Variants in GRID2 observed in about 807,000 individuals in gnomAD.
GRID2 encodes the protein glutamate ionotropic receptor delta type subunit 2, also known as glutamate receptor ionotropic, delta-2.
A neutral mutation model predicts 114.8 loss-of-function variants in GRID2; 33 were observed. The ratio of observed to expected loss-of-function variants is 0.29; its 90% CI spans 0.22 to 0.38. The LOEUF is 0.38. GRID2 is among the 10% of genes least tolerant of loss of function. The pLI is 1.00. For missense variants in GRID2, 1,184 were observed against 1,257.7 expected (o/e 0.94, Z 0.89); for synonymous variants, 505 against 449.9 (o/e 1.12, Z -1.55).
chr4:93,786,867 T>C (rs1734603963), intron 1 of GRID2, among the ~76,000 whole-genome samples: 1 of 152,170 alleles, frequency 6.6e-6, no homozygotes, highest in African/African-American at 2.4e-5. Flanking sequence ...GACTTGGATT[T>C]AACAGAGAGT....
At chr4:92,417,268 A>G (rs1395634672) in intron 1 of GRID2, among the ~76,000 whole-genome samples, 3 of 152,188 alleles carry the variant, frequency 2.0e-5, no homozygotes, top group African/African-American at 7.2e-5. Context: ...AGGTATAAAT[A>G]TAAGTAACGG....
intron 1 of GRID2, among the ~76,000 whole-genome samples, chr4:92,520,546 G>T (rs1560685853): frequency 6.6e-6 from 1 of 151,912 alleles, no homozygotes; most frequent in African/African-American, 2.4e-5. Flanking sequence ...AGTGACCTAA[G>T]CCCTGCCTGG....
At chr4:92,943,886 G>A (rs951346247) in intron 2 of GRID2, among the ~76,000 whole-genome samples, 3 of 152,188 alleles carry the variant, frequency 2.0e-5, no homozygotes, top group Non-Finnish European at 4.4e-5. Flanking sequence ...GGAGGCTGCA[G>A]AGCAGAACAG....
At chr4:92,463,009 T>G (rs771177187) in intron 1 of GRID2, among the ~76,000 whole-genome samples, 4 of 151,996 alleles carry the variant, frequency 2.6e-5, no homozygotes, top group Admixed American at 6.6e-5. Context: ...TGTATAACAT[T>G]ATAAAGTAAA....
intron 2 of GRID2, among the ~76,000 whole-genome samples, chr4:92,844,874 A>G (rs1578290614): frequency 6.6e-6 from 1 of 152,208 alleles, no homozygotes; most frequent in East Asian, 1.9e-4. Context: ...TTTTTTAAAA[A>G]GTATCTTTTT....
Position 93,139,765 on chromosome 4 carries a change from T to C in GRID2, c.735+28812T>C, listed in dbSNP as rs575684777. Among the ~76,000 whole-genome samples, 471 of 142,648 alleles carry C rather than the reference T, an allele frequency of 3.3e-3. 6 individuals are homozygous for C. Among genetic ancestry groups the C allele is most frequent in the South Asian group, 0.03 (132 of 4,446 alleles). 93.6% of individuals were successfully genotyped at this position (142,648 alleles called of 152,430 possible). A position where few individuals can be genotyped will look rare whatever the true frequency, so the allele number is the denominator to read the frequency against. On this transcript the variant is annotated intron_variant, in intron 4 of 15. Coordinates refer to ENST00000282020, the MANE Select transcript of GRID2 (RefSeq NM_001510.4). ...ACACACACACACACACACACACACA[T>C]TCACACACAGACACACATAGCTGTA...
chr4:92,750,196 A>C (rs1737379586), intron 2 of GRID2, among the ~76,000 whole-genome samples: 1 of 152,012 alleles, frequency 6.6e-6, no homozygotes, highest in Non-Finnish European at 1.5e-5. Flanking sequence ...GCACCAACCA[A>C]CTATAGAATG....
intron 1 of GRID2, among the ~76,000 whole-genome samples, chr4:92,460,053 T>TATATATATATATACAC (rs1032538170): frequency 1.0e-4 from 10 of 99,770 alleles, no homozygotes; most frequent in South Asian, 4.0e-4. Flanking sequence ...TATATATATA[T>TATATATATATATACAC]ACACACACAA....
chr4:93,207,341 A>G, intron 4 of GRID2, 63 bp from the exon 5 acceptor site: 1 of 1,073,988 alleles, frequency 9.3e-7, no homozygotes, highest in South Asian at 1.2e-5. Context: ...AAGTATATTC[A>G]TTTAGTTGGG....
intron 2 of GRID2, among the ~76,000 whole-genome samples, chr4:92,682,682 G>GCACACACACACACA (rs57217377): frequency 9.7e-4 from 139 of 142,804 alleles, no homozygotes; most frequent in South Asian, 1.8e-3. Flanking sequence ...AAATCGCAGG[G>GCACACACACACACA]CACACACACA....
intron 2 of GRID2, among the ~76,000 whole-genome samples, chr4:92,895,105 G>T (rs182925860): frequency 6.6e-6 from 1 of 151,866 alleles, no homozygotes; most frequent in Admixed American, 6.6e-5. Context: ...ATGAGAATTG[G>T]CTGGGGACAT....
At chr4:93,113,897 CG>C (rs1034665754) in intron 4 of GRID2, among the ~76,000 whole-genome samples, 1 of 151,886 alleles carries the variant, frequency 6.6e-6, no homozygotes, top group African/African-American at 2.4e-5. Flanking sequence ...ACCACGGAGG[CG>C]GGGCATGCAG....
At chr4:92,856,820 T>G (rs553760024) in intron 2 of GRID2, among the ~76,000 whole-genome samples, 2 of 152,286 alleles carry the variant, frequency 1.3e-5, no homozygotes, top group South Asian at 2.1e-4. Flanking sequence ...GCATTTTGCT[T>G]TATGGCACTT....
chr4:92,397,232 GT>G (rs1193748234), intron 1 of GRID2, among the ~76,000 whole-genome samples: 1 of 151,636 alleles, frequency 6.6e-6, no homozygotes, highest in Non-Finnish European at 1.5e-5. Flanking sequence ...ACTTAGCTTT[GT>G]AAGCTAAAAT....
At chr4:93,219,037 T>C (rs1453026380) in intron 6 of GRID2, among the ~76,000 whole-genome samples, 1 of 152,110 alleles carries the variant, frequency 6.6e-6, no homozygotes, top group Non-Finnish European at 1.5e-5. Flanking sequence ...CAATTCAAGA[T>C]GAGATTTGGA....
chr4:92,634,873 G>GAA (rs1553910474), intron 2 of GRID2, among the ~76,000 whole-genome samples: 3 of 138,316 alleles, frequency 2.2e-5, no homozygotes, highest in Non-Finnish European at 4.7e-5. Flanking sequence ...GAGAGAGAGA[G>GAA]AGAGAAAGAG....
At chr4:93,152,738 A>G (rs181605233) in intron 4 of GRID2, among the ~76,000 whole-genome samples, 4 of 152,264 alleles carry the variant, frequency 2.6e-5, no homozygotes, top group Admixed American at 1.3e-4. Flanking sequence ...GCTAGCAGTA[A>G]TAAAGTCTAA....
chr4:93,104,447 T>A (rs959798067), intron 3 of GRID2, among the ~76,000 whole-genome samples: 2 of 151,944 alleles, frequency 1.3e-5, no homozygotes, highest in African/African-American at 4.8e-5. Flanking sequence ...CCTAATGCTA[T>A]CCCTCCCCAC....
At chr4:93,511,109 G>C (rs1682764396) in intron 12 of GRID2, among the ~76,000 whole-genome samples, 2 of 151,882 alleles carry the variant, frequency 1.3e-5, no homozygotes, top group African/African-American at 4.8e-5. Context: ...GCTAAGTTTT[G>C]TATTTTTAGT....
Sources: gnomAD v4.1 joint callset for allele counts (sites outside exome capture counted in the v4.1 genomes callset) on GRCh38, gnomAD v4.1.1 for gene constraint, MANE v1.5 for transcripts, NCBI Gene and HGNC (gene_info 2026-07-23, HGNC 2026-07-21) for gene names.